The following HSD17B3 variants were observed in gnomAD, a reference collection of about 807,000 sequenced individuals.
HSD17B3 encodes the protein hydroxysteroid 17-beta dehydrogenase 3, also known as 17-beta-hydroxysteroid dehydrogenase type 3.
In HSD17B3, 29 loss-of-function variants were observed where a neutral mutation model predicts 41.1. The ratio of observed to expected loss-of-function variants is 0.71; its 90% CI spans 0.53 to 0.96. The LOEUF (loss-of-function observed/expected upper bound fraction) is 0.96. Among genes scored for constraint, HSD17B3 ranks in the 40% least tolerant of loss-of-function variants. The pLI is 0.00. For missense variants in HSD17B3, 323 were observed against 374.6 expected, an observed-to-expected ratio of 0.86 and a Z score of 1.14; for synonymous variants, 126 against 145.6, an observed-to-expected ratio of 0.87 and a Z score of 0.97.
At chr9:96,245,057 TAC>T (rs1350301650) in intron 8 of HSD17B3, among the ~76,000 whole-genome samples, 1 of 152,056 alleles carries the variant, frequency 6.6e-6, no homozygotes, top group East Asian at 1.9e-4. Flanking sequence ...GGAAGGAAGC[TAC>T]AGTGTCACTT....
chr9:96,250,601 A>C, intron 5 of HSD17B3: 1 of 439,168 alleles, frequency 2.3e-6, no homozygotes, highest in Non-Finnish European at 3.1e-6. Flanking sequence ...AAACTGTTAA[A>C]TGCGGCCGGG....
chr9:96,267,002 A>G (rs1179955836), intron 2 of HSD17B3, among the ~76,000 whole-genome samples: 3 of 152,024 alleles, frequency 2.0e-5, no homozygotes, highest in African/African-American at 7.3e-5. Flanking sequence ...TCACAACTAC[A>G]AGACCCACTC....
intron 10 of HSD17B3, among the ~76,000 whole-genome samples, chr9:96,237,391 T>G (rs1250541097): frequency 1.3e-5 from 2 of 152,210 alleles, no homozygotes; most frequent in Non-Finnish European, 2.9e-5. Context: ...ATGGGCCAGC[T>G]GTTGCAGCTC....
intron 2 of HSD17B3, among the ~76,000 whole-genome samples, chr9:96,293,267 T>C (rs1827221300): frequency 6.6e-6 from 1 of 152,198 alleles, no homozygotes. Flanking sequence ...TCTAAATTAG[T>C]AGACTTTGAG....
intron 6 of HSD17B3, among the ~76,000 whole-genome samples, chr9:96,247,783 C>T (rs1231851346): frequency 6.6e-6 from 1 of 152,156 alleles, no homozygotes; most frequent in African/African-American, 2.4e-5. Flanking sequence ...CTCGTGGGTC[C>T]CCGCCTCAAG....
intron 3 of HSD17B3, among the ~76,000 whole-genome samples, chr9:96,253,230 G>A (rs911858654): frequency 2.0e-5 from 3 of 152,048 alleles, no homozygotes; most frequent in East Asian, 1.9e-4. Context: ...GCAAATTCTC[G>A]GGCTCTACCC....
intron 4 of HSD17B3, among the ~76,000 whole-genome samples, chr9:96,251,897 T>C (rs571123946): frequency 1.3e-5 from 2 of 152,346 alleles, no homozygotes; most frequent in South Asian, 2.1e-4. Context: ...TGTCTATTCT[T>C]TCCAATTTTT....
intron 5 of HSD17B3, among the ~76,000 whole-genome samples, chr9:96,250,954 G>A (rs941761300): frequency 1.5e-4 from 23 of 151,766 alleles, no homozygotes; most frequent in African/African-American, 5.1e-4. Flanking sequence ...GGCAGTCATG[G>A]GTCTGAGCCA....
At chr9:96,278,520 G>T (rs1228991360) in intron 2 of HSD17B3, among the ~76,000 whole-genome samples, 1 of 152,082 alleles carries the variant, frequency 6.6e-6, no homozygotes, top group Admixed American at 6.6e-5. Flanking sequence ...TGGGTGTGGG[G>T]ATGTGTGTGG....
chr9:96,244,532 G>C (rs375703926), intron 8 of HSD17B3, 138 bp from the exon 9 acceptor site: 9 of 792,758 alleles, frequency 1.1e-5, no homozygotes, highest in South Asian at 5.5e-5. Flanking sequence ...GGGTACGGAG[G>C]GTACGGAGTT....
intron 2 of HSD17B3, among the ~76,000 whole-genome samples, chr9:96,264,869 G>T (rs1443735879): frequency 6.6e-6 from 1 of 152,052 alleles, no homozygotes; most frequent in Non-Finnish European, 1.5e-5. Context: ...TTTAGCTAAG[G>T]CTACCTTTAG....
intron 2 of HSD17B3, among the ~76,000 whole-genome samples, chr9:96,295,958 G>C (rs1019024777): frequency 5.4e-4 from 82 of 152,074 alleles, no homozygotes; most frequent in African/African-American, 1.9e-3. Context: ...CTTATGGGAA[G>C]AAACACCAGG....
At chr9:96,254,996 G>C (rs1825573848) in intron 2 of HSD17B3, 53 bp from the exon 3 acceptor site, 3 of 1,493,738 alleles carry the variant, frequency 2.0e-6, no homozygotes, top group African/African-American at 2.7e-5. Flanking sequence ...AGACAGGGAG[G>C]GCTTGTGTTA....
chr9:96,289,414 C>A (rs530718370), intron 2 of HSD17B3, among the ~76,000 whole-genome samples: 5 of 152,064 alleles, frequency 3.3e-5, no homozygotes, highest in Admixed American at 6.5e-5. Flanking sequence ...CAAGACTGAC[C>A]CCTGCCAATG....
At chr9:96,278,547 G>A (rs545184929) in intron 2 of HSD17B3, among the ~76,000 whole-genome samples, 4 of 152,182 alleles carry the variant, frequency 2.6e-5, no homozygotes, top group Admixed American at 6.6e-5. Flanking sequence ...TGGGTGCTGC[G>A]TGGGGCTTGA....
intron 6 of HSD17B3, 54 bp from the exon 7 acceptor site, chr9:96,246,644 G>A (rs1340903957): frequency 1.3e-6 from 2 of 1,524,050 alleles, no homozygotes; most frequent in African/African-American, 1.4e-5. Flanking sequence ...GCAGTGCAAG[G>A]GGGCGGGATG....
chr9:96,295,516 G>A (rs1165153116), intron 2 of HSD17B3, among the ~76,000 whole-genome samples: 2 of 151,658 alleles, frequency 1.3e-5, no homozygotes, highest in African/African-American at 2.4e-5. Context: ...TGTATTGTAA[G>A]TAGAGACGGA....
intron 8 of HSD17B3, among the ~76,000 whole-genome samples, chr9:96,244,825 A>C (rs114282133): frequency 8.5e-5 from 13 of 152,182 alleles, no homozygotes; most frequent in African/African-American, 3.1e-4. Flanking sequence ...AGTGGGGCAG[A>C]AAGAGGGTAA....
chr9:96,265,709 TAA>T (rs948499629), intron 2 of HSD17B3, among the ~76,000 whole-genome samples: 1 of 152,142 alleles, frequency 6.6e-6, no homozygotes, highest in African/African-American at 2.4e-5. Flanking sequence ...TTACTAGAAA[TAA>T]AAACGAGTTA....
Sources: allele counts gnomAD v4.1 joint callset (sites outside exome capture counted in the v4.1 genomes callset), GRCh38; gene constraint gnomAD v4.1.1; transcripts MANE v1.5; gene names NCBI Gene and HGNC (gene_info 2026-07-23, HGNC 2026-07-21).